Variants in ELMO1 observed in about 807,000 individuals in gnomAD.
ELMO1 encodes engulfment and cell motility protein 1.
A neutral mutation model predicts 98.9 loss-of-function variants in ELMO1; 26 were observed. That is an observed-to-expected ratio of 0.26 (90% CI 0.19 to 0.36). ELMO1 has a LOEUF of 0.36. Among genes scored for constraint, ELMO1 ranks in the 10% least tolerant of loss-of-function variants. ELMO1 has a pLI of 1.00. For synonymous variants in ELMO1, 346 were observed against 346.0 expected (o/e 1.00, Z 0.00); for missense variants, 627 against 935.2 (o/e 0.67, Z 4.30).
intron 16 of ELMO1, among the ~76,000 whole-genome samples, chr7:36,900,105 G>A (rs1806378380): frequency 1.3e-5 from 2 of 152,194 alleles, no homozygotes; most frequent in Non-Finnish European, 2.9e-5. Flanking sequence ...AATCAGAAAT[G>A]CTAAGAGTGG....
chr7:36,857,426 A>C (rs1324874953), intron 21 of ELMO1, among the ~76,000 whole-genome samples: 1 of 152,092 alleles, frequency 6.6e-6, no homozygotes, highest in Non-Finnish European at 1.5e-5. Context: ...ACATTCTCAA[A>C]GGCCCCTTCC....
At chr7:37,249,044 C>T (rs1330066107) in intron 6 of ELMO1, among the ~76,000 whole-genome samples, 1 of 152,186 alleles carries the variant, frequency 6.6e-6, no homozygotes, top group African/African-American at 2.4e-5. Flanking sequence ...TGGTTCAGCC[C>T]TCAGTAACGT....
intron 15 of ELMO1, among the ~76,000 whole-genome samples, chr7:37,049,561 T>A (rs1222401977): frequency 1.3e-5 from 2 of 152,050 alleles, no homozygotes; most frequent in East Asian, 1.9e-4. Flanking sequence ...GACAACTAGA[T>A]AAACCAGAGG....
intron 15 of ELMO1, among the ~76,000 whole-genome samples, chr7:37,038,901 C>T (rs970521828): frequency 6.6e-6 from 1 of 152,126 alleles, no homozygotes; most frequent in Non-Finnish European, 1.5e-5. Flanking sequence ...GATAAGGGCA[C>T]TAATCCCATT....
chr7:37,076,838 C>T (rs531868819), intron 15 of ELMO1, among the ~76,000 whole-genome samples: 1 of 152,222 alleles, frequency 6.6e-6, no homozygotes, highest in Non-Finnish European at 1.5e-5. Flanking sequence ...CCCAATGCTG[C>T]CTCCATCAGG....
At chr7:37,161,304 C>G (rs1001459602) in intron 13 of ELMO1, among the ~76,000 whole-genome samples, 4 of 152,162 alleles carry the variant, frequency 2.6e-5, no homozygotes, top group Non-Finnish European at 2.9e-5. Flanking sequence ...CTCACTGGCT[C>G]CAGGGTTCTG....
intron 1 of ELMO1, among the ~76,000 whole-genome samples, chr7:37,443,362 T>G (rs746440981): frequency 6.6e-5 from 10 of 152,200 alleles, no homozygotes; most frequent in Non-Finnish European, 1.3e-4. Context: ...CTGTTCAGAT[T>G]CTGGAAATCA....
At chr7:37,164,749 T>C (rs1246772012) in intron 13 of ELMO1, among the ~76,000 whole-genome samples, 1 of 149,646 alleles carries the variant, frequency 6.7e-6, no homozygotes, top group Non-Finnish European at 1.5e-5. Flanking sequence ...AGCCTTGTAG[T>C]ATAGTTTGAA....
intron 16 of ELMO1, among the ~76,000 whole-genome samples, chr7:36,931,005 A>G (rs1325058971): frequency 6.6e-6 from 1 of 152,150 alleles, no homozygotes; most frequent in Non-Finnish European, 1.5e-5. Context: ...TTCCTATTAC[A>G]CTTCATTCAT....
At chr7:37,232,162 T>C (rs1490615318) in intron 8 of ELMO1, among the ~76,000 whole-genome samples, 2 of 152,206 alleles carry the variant, frequency 1.3e-5, no homozygotes, top group African/African-American at 2.4e-5. Flanking sequence ...TAGTTTAAAA[T>C]AAAAGGCTTA....
chr7:37,403,300 G>A (rs539618869), intron 1 of ELMO1, among the ~76,000 whole-genome samples: 1 of 152,122 alleles, frequency 6.6e-6, no homozygotes, highest in East Asian at 1.9e-4. Context: ...GCTCACACCT[G>A]TAATCCCAAC....
chr7:36,982,871 C>T (rs990806930), intron 16 of ELMO1, among the ~76,000 whole-genome samples: 3 of 152,204 alleles, frequency 2.0e-5, no homozygotes, highest in South Asian at 2.1e-4. Context: ...AGGATTCACA[C>T]ACCCATCCAG....
chr7:37,289,456 C>G (rs1797564994), intron 4 of ELMO1, among the ~76,000 whole-genome samples: 1 of 152,224 alleles, frequency 6.6e-6, no homozygotes, highest in Admixed American at 6.5e-5. Context: ...AACCATCTGT[C>G]ATCAGCTGTT....
intron 20 of ELMO1, among the ~76,000 whole-genome samples, chr7:36,865,176 C>T (rs190511702): frequency 5.9e-5 from 9 of 152,308 alleles, no homozygotes; most frequent in African/African-American, 2.4e-5. Context: ...CGGTAACTCA[C>T]CACATATGGC....
At chr7:37,304,684 T>C (rs1409405105) in intron 4 of ELMO1, among the ~76,000 whole-genome samples, 2 of 152,058 alleles carry the variant, frequency 1.3e-5, no homozygotes, top group African/African-American at 4.8e-5. Context: ...CCACTGCGCT[T>C]CAGCCTGGGC....
chr7:37,046,597 G>A (rs902240462), intron 15 of ELMO1, among the ~76,000 whole-genome samples: 7 of 152,114 alleles, frequency 4.6e-5, no homozygotes, highest in African/African-American at 1.7e-4. Flanking sequence ...TGAGAATGAT[G>A]AAAACAAAAC....
chr7:36,986,544 T>TG (rs1436582590), intron 16 of ELMO1: 1 of 152,312 alleles, frequency 6.6e-6, no homozygotes, highest in East Asian at 1.9e-4. Flanking sequence ...GGGGAGTGCC[T>TG]GGGCTCAATA....
At chr7:36,875,609 C>A (rs1803891562) in intron 19 of ELMO1, among the ~76,000 whole-genome samples, 1 of 152,184 alleles carries the variant, frequency 6.6e-6, no homozygotes. Flanking sequence ...TGCTCAGTGG[C>A]CACTGCGAAA....
intron 1 of ELMO1, among the ~76,000 whole-genome samples, chr7:37,428,810 A>T (rs997722794): frequency 1.3e-5 from 2 of 152,218 alleles, no homozygotes; most frequent in African/African-American, 4.8e-5. Flanking sequence ...GGAAGTGTTA[A>T]CCTTTCTTCC....
Sources: allele counts gnomAD v4.1 joint callset (sites outside exome capture counted in the v4.1 genomes callset), GRCh38; gene constraint gnomAD v4.1.1; transcripts MANE v1.5; gene names NCBI Gene and HGNC (gene_info 2026-07-23, HGNC 2026-07-21).